The following DUOX1 variants were observed in gnomAD, a reference collection of about 807,000 sequenced individuals.
DUOX1 encodes NADPH thyroid oxidase 1.
A neutral mutation model predicts 181.8 loss-of-function variants in DUOX1; 134 were observed. That is an observed-to-expected ratio of 0.74 (90% confidence interval 0.64 to 0.85). The LOEUF (loss-of-function observed/expected upper bound fraction) is 0.85. Ranked by LOEUF, DUOX1 falls within the 40% of genes least tolerant of loss-of-function variation. The probability of loss-of-function intolerance (pLI) is 0.00; values close to 1 mark genes in which losing one functional copy is unlikely to be tolerated. For synonymous variants in DUOX1, 798 were observed against 832.5 expected, an observed-to-expected ratio of 0.96 and a Z score of 0.71; for missense variants, 1,814 against 2,064.4, an observed-to-expected ratio of 0.88 and a Z score of 2.35.
chr15:45,151,524 G>C lies in DUOX1; in HGVS notation c.3014+276G>C, dbSNP rs572328694. On this transcript the variant is annotated intron_variant, in intron 23 of 33. Coordinates refer to ENST00000389037, the MANE Select transcript of DUOX1 (RefSeq NM_175940.3). ...GGAGGTCAGAGATGCCTTCATGGAA[G>C]AGGTGTCCTTTGAGTCTCTAGTAAA... 1.5e-4 allele frequency among the ~76,000 whole-genome samples: 23 copies of C among 152,322 alleles called. 1 individual carries two copies. In the South Asian group the frequency reaches 4.6e-3, roughly 30 times the overall value.
rs148491812 is a variant in DUOX1 at position 45,161,741 on chromosome 15, T to A, written c.3860T>A (p.Val1287Glu). The A allele has an allele frequency of 1.2e-6, 2 of 1,613,028 alleles. No individual in the cohort carries two copies. Among genetic ancestry groups the A allele is most frequent in the East Asian group, 4.5e-5 (2 of 44,856 alleles). Residue 1287 changes from valine (V) to glutamate (E), a missense_variant, in exon 30 of 34, where the codon GTG (valine) becomes GAG (glutamate). Transcript: ENST00000389037. ...CTCACCCACCATCCCTCCCCAGGAG[T>A]GACCCACCTGCGGTTCCAGCGGCCC... The part of the protein sequence containing the change: ...VVKAELLPSG[V>E]THLRFQRPQG...
intron 12 of DUOX1, 128 bp downstream of exon 12, chr15:45,139,727 C>A: frequency 9.3e-7 from 1 of 1,073,316 alleles, no homozygotes; most frequent in Non-Finnish European, 1.3e-6. Context: ...AGGGCTTACC[C>A]AGATCACTTT....
intron 16 of DUOX1, among the ~76,000 whole-genome samples, chr15:45,143,634 TC>T (rs1164846510): frequency 6.6e-6 from 1 of 152,196 alleles, no homozygotes; most frequent in East Asian, 1.9e-4. Flanking sequence ...TTAATGAAGG[TC>T]CAGAGTCAGA....
At chr15:45,142,324 G>GCCC (rs1896520419) in intron 15 of DUOX1, among the ~76,000 whole-genome samples, 2 of 152,178 alleles carry the variant, frequency 1.3e-5, no homozygotes, top group Non-Finnish European at 2.9e-5. Context: ...GTTTTCCTGG[G>GCCC]ACTGCCCCCA....
In DUOX1 at chr15:45,140,881, C is replaced by T. The variant is rs199774437; in HGVS notation, c.1390-14C>T. 6 of 1,611,946 alleles carry T rather than the reference C, an allele frequency of 3.7e-6. No individual in the cohort carries two copies. Among genetic ancestry groups the T allele is most frequent in the Admixed American group, 1.7e-5 (1 of 59,910 alleles). ...CGTGTCCTTTCTCTTACTTCTGCCC[C>T]TTCTTGGTTCCAGGTACTGGAGGCC... is the stretch of plus-strand genomic sequence containing the variant. On this transcript the variant is annotated splice_polypyrimidine_tract_variant and intron_variant, in intron 12 of 33. Transcript: ENST00000389037.
chr15:45,149,458 C>G (rs990580230), intron 21 of DUOX1, among the ~76,000 whole-genome samples: 1 of 152,184 alleles, frequency 6.6e-6, no homozygotes, highest in Non-Finnish European at 1.5e-5. Context: ...GAGGGTAAAA[C>G]CAGGCTTGGG....
At chr15:45,150,395 T>G in intron 21 of DUOX1, 1 of 548,986 alleles carries the variant, frequency 1.8e-6, no homozygotes, top group South Asian at 2.3e-5. Context: ...ATGGACACAC[T>G]TTAGGGAAGC....
At position 45,136,559 on chromosome 15, in the gene DUOX1, C is replaced by T. The variant is rs1212559804; in HGVS notation, c.956C>T (p.Ser319Phe). Residue 319 changes from serine (S) to phenylalanine (F), a missense_variant, in exon 9 of 34, where the codon TCC becomes TTC. Physicochemically the swap from Ser to Phe is radical, Grantham distance 155. This residue lies in a region of DUOX1 where 1,064 missense variants were observed against 1,152.9 expected (regional missense o/e 0.92). Coordinates refer to ENST00000389037, the MANE Select transcript of DUOX1 (RefSeq NM_175940.3). Reference protein sequence around the residue: ...GYRPFLDPSISSEFVAASEQF... With the variant: ...GYRPFLDPSIFSEFVAASEQF... ...CGGCCATTTCTGGACCCCAGCATCT[C>T]CTCAGAGTTCGTGGCGGCCTCTGAG... The T allele has an allele frequency of 1.9e-6, 3 of 1,614,194 alleles. No individual in the cohort carries two copies. In the South Asian group the frequency reaches 3.3e-5, roughly 18 times the overall value.
intron 21 of DUOX1, chr15:45,150,409 C>T (rs964327009): frequency 7.9e-5 from 44 of 560,102 alleles, no homozygotes; most frequent in Admixed American, 4.7e-4. Flanking sequence ...GGGAAGCCTG[C>T]CTGGCCAACT....
Position 45,163,876 on chromosome 15 carries a change from C to T in DUOX1, c.4491C>T (p.Pro1497=). 2 of 1,614,166 alleles carry T rather than the reference C, an allele frequency of 1.2e-6. No individual in the cohort carries two copies. The highest frequency in any genetic ancestry group is 1.7e-6 in the Non-Finnish European group (2 of 1,180,022). ...LRSITHFGRP[P]FEPFFNSLQE... ...CCATCACCCACTTTGGCCGTCCCCC[C>T]TTTGAGCCCTTCTTCAACTCCCTGC... Residue 1497 remains proline (P), a synonymous_variant, in exon 33 of 34, where the codon CCC becomes CCT. Coordinates refer to ENST00000389037, the MANE Select transcript of DUOX1 (RefSeq NM_175940.3).
Position 45,133,922 on chromosome 15 carries a change from C to T in DUOX1, c.117C>T (p.Leu39=). The change falls in exon 3 of 34, where the codon CTC becomes CTT. Residue 39 remains leucine (L), a synonymous_variant. Transcript: ENST00000389037. Reference sequence around the variant, plus strand: ...GATTTGATGGGTGGTACAACAACCTCATGGAGCACAGATGGGGCAGCAAAG... The same window carrying T: ...GATTTGATGGGTGGTACAACAACCTTATGGAGCACAGATGGGGCAGCAAAG... ...VQRFDGWYNN[L]MEHRWGSKGS... 1 of 1,614,028 alleles carries T rather than the reference C, an allele frequency of 6.2e-7. No homozygotes were observed. Among genetic ancestry groups the T allele is most frequent in the Non-Finnish European group, 8.5e-7 (1 of 1,179,954 alleles).
intron 21 of DUOX1, 178 bp from the exon 22 acceptor site, chr15:45,150,454 G>A: frequency 1.7e-6 from 1 of 599,752 alleles, no homozygotes. Flanking sequence ...ACCTATGGCT[G>A]GGTCCAGCTC....
At chr15:45,135,371 G>T (rs1896273820) in intron 5 of DUOX1, 80 bp downstream of exon 5, 2 of 1,498,914 alleles carry the variant, frequency 1.3e-6, no homozygotes, top group African/African-American at 2.8e-5. Context: ...GGGCCTGGAG[G>T]GGAGAGGCGC....
chr15:45,142,801 G>GGA (rs1567012359), intron 15 of DUOX1, among the ~76,000 whole-genome samples: 1 of 144,684 alleles, frequency 6.9e-6, no homozygotes, highest in East Asian at 2.2e-4. Flanking sequence ...GGGAGGAAGG[G>GGA]AGGGAGGAAG....
intron 15 of DUOX1, among the ~76,000 whole-genome samples, chr15:45,142,923 A>T (rs1896545991): frequency 6.6e-6 from 1 of 152,022 alleles, no homozygotes; most frequent in African/African-American, 2.4e-5. Flanking sequence ...TCTCTGACAC[A>T]AGGACTCTGG....
At chr15:45,154,084 C>A (rs981624812) in intron 27 of DUOX1, 84 bp downstream of exon 27, 20 of 1,259,444 alleles carry the variant, frequency 1.6e-5, no homozygotes, top group Admixed American at 1.2e-4. Context: ...GAGCAACCCA[C>A]GTTCACTCAC....
At chr15:45,152,180 C>T (rs1199404962) in intron 24 of DUOX1, 106 bp from the exon 25 acceptor site, 6 of 1,460,340 alleles carry the variant, frequency 4.1e-6, no homozygotes, top group African/African-American at 2.8e-5. Flanking sequence ...GAAGACTGTG[C>T]GGGGGAGGCC....
At chr15:45,136,743 G>A in intron 9 of DUOX1, 118 bp downstream of exon 9, 1 of 886,582 alleles carries the variant, frequency 1.1e-6, no homozygotes, top group East Asian at 2.5e-5. Context: ...CCAAGGGAAA[G>A]ACCGATAGAG....
At chr15:45,156,789 C>CTGCCTCCCTCTCTCCATGT in intron 28 of DUOX1, among the ~76,000 whole-genome samples, 1 of 152,158 alleles carries the variant, frequency 6.6e-6, no homozygotes, top group East Asian at 1.9e-4. Flanking sequence ...ACCTTGGCTC[C>CTGCCTCCCTCTCTCCATGT]TGCCTCCCTC....
Sources: allele counts gnomAD v4.1 joint callset (sites outside exome capture counted in the v4.1 genomes callset), GRCh38; gene constraint gnomAD v4.1.1; regional missense constraint gnomAD v4.1.1; transcripts MANE v1.5; gene names NCBI Gene and HGNC (gene_info 2026-07-23, HGNC 2026-07-21).